Variants in PDGFC observed in about 807,000 individuals in gnomAD.
The protein encoded by PDGFC is platelet-derived growth factor C.
In PDGFC, 12 loss-of-function variants were observed where a neutral mutation model predicts 35.5. The observed-to-expected ratio is 0.34, with a 90% CI of 0.22 to 0.55. The LOEUF (loss-of-function observed/expected upper bound fraction) is 0.55. Among genes scored for constraint, PDGFC ranks in the 20% least tolerant of loss-of-function variants. The pLI is 0.91. For synonymous variants in PDGFC, 159 were observed against 148.8 expected (o/e 1.07, Z -0.50); for missense variants, 322 against 412.4 (o/e 0.78, Z 1.90).
chr4:156,922,595 T>C (rs1341482488), intron 1 of PDGFC, among the ~76,000 whole-genome samples: 2 of 152,198 alleles, frequency 1.3e-5, no homozygotes, highest in Non-Finnish European at 2.9e-5. Context: ...TGGGCATTTA[T>C]GACTCTGACT....
chr4:156,917,056 A>C (rs142044018), intron 1 of PDGFC, among the ~76,000 whole-genome samples: 1 of 152,160 alleles, frequency 6.6e-6, no homozygotes, highest in Admixed American at 6.5e-5. Context: ...TGCATCCTCA[A>C]TGTGCAACAG....
intron 1 of PDGFC, among the ~76,000 whole-genome samples, chr4:156,946,207 TA>T (rs985927649): frequency 6.6e-6 from 1 of 152,036 alleles, no homozygotes; most frequent in African/African-American, 2.4e-5. Context: ...GAAACAACTT[TA>T]AAAAAACAAG....
intron 2 of PDGFC, among the ~76,000 whole-genome samples, chr4:156,849,997 AT>A (rs1729414423): frequency 6.6e-6 from 1 of 152,076 alleles, no homozygotes; most frequent in South Asian, 2.1e-4. Context: ...ATATTAAATA[AT>A]TTTAGAAGTA....
At chr4:156,855,716 T>C (rs895098519) in intron 1 of PDGFC, among the ~76,000 whole-genome samples, 2 of 152,208 alleles carry the variant, frequency 1.3e-5, no homozygotes, top group African/African-American at 4.8e-5. Context: ...TTTTTTCACC[T>C]GTGATAATTT....
At chr4:156,911,704 A>T (rs1056544520) in intron 1 of PDGFC, among the ~76,000 whole-genome samples, 1 of 152,182 alleles carries the variant, frequency 6.6e-6, no homozygotes, top group Non-Finnish European at 1.5e-5. Flanking sequence ...TGGTAGAGAT[A>T]AGACATAAAC....
At chr4:156,957,657 AATCAG>A (rs1203813773) in intron 1 of PDGFC, among the ~76,000 whole-genome samples, 1 of 151,890 alleles carries the variant, frequency 6.6e-6, no homozygotes, top group Non-Finnish European at 1.5e-5. Flanking sequence ...TGCCATCAGG[AATCAG>A]ATTTAATTCA....
Position 156,907,583 on chromosome 4 carries a change from G to A in PDGFC, c.119-57167C>T, listed in dbSNP as rs547562820. ...GTCCTCATGGTTGAAAAGAATCTTCGAGGGAGTTGGGACCTTCAGACTTGT... is the reference window on the plus strand; with the variant it reads ...GTCCTCATGGTTGAAAAGAATCTTCAAGGGAGTTGGGACCTTCAGACTTGT... On this transcript the variant is annotated intron_variant, in intron 1 of 5. Transcript: ENST00000502773. 2.6e-5 allele frequency among the ~76,000 whole-genome samples: 4 copies of A among 152,244 alleles called. No homozygotes were observed. In the East Asian group the frequency reaches 7.7e-4, roughly 29 times the overall value.
intron 5 of PDGFC, among the ~76,000 whole-genome samples, chr4:156,763,678 C>G (rs918958271): frequency 6.6e-6 from 1 of 152,206 alleles, no homozygotes; most frequent in African/African-American, 2.4e-5. Flanking sequence ...CACTCCACAG[C>G]TGAGTCTGCT....
chr4:156,823,563 A>G (rs547952048), intron 2 of PDGFC, among the ~76,000 whole-genome samples: 3 of 152,372 alleles, frequency 2.0e-5, no homozygotes, highest in African/African-American at 7.2e-5. Flanking sequence ...CTACTTTAAA[A>G]AAAATAATTT....
chr4:156,830,561 C>T (rs1033814673), intron 2 of PDGFC, among the ~76,000 whole-genome samples: 2 of 152,156 alleles, frequency 1.3e-5, no homozygotes, highest in Non-Finnish European at 2.9e-5. Context: ...CAGTATATTT[C>T]ACCAGATGGC....
At chr4:156,834,689 T>G (rs1462737132) in intron 2 of PDGFC, among the ~76,000 whole-genome samples, 1 of 152,160 alleles carries the variant, frequency 6.6e-6, no homozygotes, top group Non-Finnish European at 1.5e-5. Flanking sequence ...AAAGCTTACT[T>G]GAGATTTGAA....
At chr4:156,833,259 G>C (rs929865502) in intron 2 of PDGFC, among the ~76,000 whole-genome samples, 11 of 152,166 alleles carry the variant, frequency 7.2e-5, no homozygotes, top group Admixed American at 2.0e-4. Context: ...TAGTTAAAAG[G>C]TTCGCTGAGG....
chr4:156,824,421 CATAT>C (rs1000007635), intron 2 of PDGFC, among the ~76,000 whole-genome samples: 9 of 150,630 alleles, frequency 6.0e-5, no homozygotes, highest in Non-Finnish European at 1.2e-4. Flanking sequence ...TACACACACA[CATAT>C]ATATACACGT....
chr4:156,778,324 C>A, intron 3 of PDGFC: 3 of 218,640 alleles, frequency 1.4e-5, no homozygotes, highest in Admixed American at 1.0e-4. Flanking sequence ...TGAATGTGGA[C>A]CAGAAAAAAA....
Position 156,763,058 on chromosome 4 carries a change from G to T in PDGFC, c.*32C>A. The T allele has an allele frequency of 3.5e-6, 4 of 1,128,656 alleles. No homozygotes were observed. Among genetic ancestry groups the T allele is most frequent in the Non-Finnish European group, 5.4e-6 (4 of 736,638 alleles). The allele number at this position is 1,128,656 out of a possible 1,614,324, so 69.9% of individuals were successfully genotyped here. The stretch of plus-strand genomic sequence containing the variant: ...ATAGAATCAGCCACTGCACTGCACA[G>T]CTCTGGGCAAGAGCTGCTGGTGGTG... On this transcript the variant is annotated 3_prime_UTR_variant, in exon 6 of 6. Coordinates refer to ENST00000502773, the MANE Select transcript of PDGFC (RefSeq NM_016205.3).
chr4:156,883,510 TG>T (rs1730304839), intron 1 of PDGFC, among the ~76,000 whole-genome samples: 1 of 152,228 alleles, frequency 6.6e-6, no homozygotes, highest in African/African-American at 2.4e-5. Flanking sequence ...TAGATTATTT[TG>T]GAAATACCTA....
chr4:156,804,879 T>C (rs149314343), intron 3 of PDGFC, among the ~76,000 whole-genome samples: 1 of 150,982 alleles, frequency 6.6e-6, no homozygotes, highest in African/African-American at 2.4e-5. Context: ...TATGAATCAA[T>C]CAAACCTCAA....
chr4:156,926,049 CAAAAAAAAAA>C (rs397707839), intron 1 of PDGFC, among the ~76,000 whole-genome samples: 10 of 67,546 alleles, frequency 1.5e-4, no homozygotes, highest in African/African-American at 4.0e-4. Context: ...AGATCTGTCT[CAAAAAAAAAA>C]AAAAAAAAAA....
At chr4:156,784,993 TTAAA>T (rs771088012) in intron 3 of PDGFC, among the ~76,000 whole-genome samples, 2 of 152,216 alleles carry the variant, frequency 1.3e-5, no homozygotes, top group Non-Finnish European at 2.9e-5. Flanking sequence ...TGGAAGGCTG[TTAAA>T]TAAATGATTA....
Sources: gnomAD v4.1 joint callset for allele counts (sites outside exome capture counted in the v4.1 genomes callset) on GRCh38, gnomAD v4.1.1 for gene constraint, MANE v1.5 for transcripts, NCBI Gene and HGNC (gene_info 2026-07-23, HGNC 2026-07-21) for gene names.